The following CACNA2D1 variants were observed in gnomAD, a reference collection of about 807,000 sequenced individuals.
CACNA2D1 encodes the protein calcium voltage-gated channel auxiliary subunit alpha2delta 1.
In CACNA2D1, 53 loss-of-function variants were observed where a neutral mutation model predicts 171.5. The ratio of observed to expected loss-of-function variants is 0.31; its 90% CI spans 0.25 to 0.39. The LOEUF (loss-of-function observed/expected upper bound fraction) is 0.39. Ranked by LOEUF, CACNA2D1 falls within the 10% of genes least tolerant of loss-of-function variation. CACNA2D1 has a pLI of 1.00. For synonymous variants in CACNA2D1, 442 were observed against 443.1 expected (o/e 1.00, Z 0.03); for missense variants, 903 against 1,299.8 (o/e 0.69, Z 4.69).
At chr7:82,413,358 G>T (rs549436309) in intron 1 of CACNA2D1, among the ~76,000 whole-genome samples, 1 of 152,222 alleles carries the variant, frequency 6.6e-6, no homozygotes, top group East Asian at 1.9e-4. Context: ...GAATTGTTGT[G>T]TCTGCATTTT....
chr7:82,381,580 C>G (rs976949910), intron 1 of CACNA2D1, among the ~76,000 whole-genome samples: 17 of 152,142 alleles, frequency 1.1e-4, no homozygotes, highest in African/African-American at 3.9e-4. Context: ...TTTACCCTTA[C>G]CTCTTATGGG....
rs536988430 is a variant in CACNA2D1 at position 82,422,356 on chromosome 7, T to C, written c.95+21009A>G. Among the ~76,000 whole-genome samples the C allele has an allele frequency of 2.1e-4, 32 of 152,260 alleles. 1 individual carries two copies. In the South Asian group the frequency reaches 5.4e-3, roughly 26 times the overall value. ...CTCCATGATGTTATTTATAAGGAAA[T>C]TTATCAATAACGTATTTGTTGTGAG... On this transcript the variant is annotated intron_variant, in intron 1 of 38. Transcript: ENST00000356860.
chr7:82,359,478 A>G (rs1820842980), intron 1 of CACNA2D1, among the ~76,000 whole-genome samples: 1 of 152,150 alleles, frequency 6.6e-6, no homozygotes, highest in African/African-American at 2.4e-5. Flanking sequence ...TTCCCCATAT[A>G]GATCAGTATC....
At chr7:82,090,800 T>C (rs1811063857) in intron 6 of CACNA2D1, among the ~76,000 whole-genome samples, 1 of 152,154 alleles carries the variant, frequency 6.6e-6, no homozygotes, top group African/African-American at 2.4e-5. Flanking sequence ...TCATAGAATA[T>C]TAGAAACTTT....
intron 3 of CACNA2D1, among the ~76,000 whole-genome samples, chr7:82,205,614 C>T (rs779240893): frequency 1.7e-4 from 26 of 152,250 alleles, no homozygotes; most frequent in South Asian, 8.3e-4. Context: ...AAAATGGTTA[C>T]AATCCAAATA....
intron 3 of CACNA2D1, among the ~76,000 whole-genome samples, chr7:82,300,032 C>G (rs758102719): frequency 1.5e-4 from 23 of 152,076 alleles, no homozygotes; most frequent in Admixed American, 1.5e-3. Context: ...CATGACCGAT[C>G]TGTGATCATT....
intron 38 of CACNA2D1, among the ~76,000 whole-genome samples, chr7:81,954,626 A>AATTTAGAAGTACATGTTTC (rs1268192757): frequency 2.6e-5 from 4 of 152,150 alleles, no homozygotes; most frequent in Admixed American, 2.6e-4. Context: ...TAATTTATTA[A>AATTTAGAAGTACATGTTTC]ATTTAGAAGT....
At chr7:82,108,809 C>T (rs1788048155) in intron 6 of CACNA2D1, among the ~76,000 whole-genome samples, 1 of 152,112 alleles carries the variant, frequency 6.6e-6, no homozygotes, top group Non-Finnish European at 1.5e-5. Flanking sequence ...TTGTGCCAAA[C>T]TTATTAATTA....
intron 3 of CACNA2D1, among the ~76,000 whole-genome samples, chr7:82,284,675 A>G (rs2129382327): frequency 6.6e-6 from 1 of 152,248 alleles, no homozygotes; most frequent in African/African-American, 2.4e-5. Context: ...GCCCTTCTGT[A>G]CAGCGCTAAT....
At chr7:82,331,264 A>G (rs184223380) in intron 3 of CACNA2D1, among the ~76,000 whole-genome samples, 179 of 152,188 alleles carry the variant, frequency 1.2e-3, no homozygotes, top group African/African-American at 3.9e-3. Flanking sequence ...TTTATCATCT[A>G]CCTTAGATTT....
chr7:82,068,353 A>T (rs1807909852), intron 7 of CACNA2D1, among the ~76,000 whole-genome samples: 1 of 152,114 alleles, frequency 6.6e-6, no homozygotes, highest in African/African-American at 2.4e-5. Flanking sequence ...GTGGCATAAC[A>T]GTGACTTCTC....
intron 3 of CACNA2D1, among the ~76,000 whole-genome samples, chr7:82,210,170 T>A (rs2129223514): frequency 6.6e-6 from 1 of 152,288 alleles, no homozygotes; most frequent in South Asian, 2.1e-4. Flanking sequence ...TTGAGGGTAA[T>A]TAATAATAAG....
chr7:82,416,048 C>T (rs1357439894), intron 1 of CACNA2D1, among the ~76,000 whole-genome samples: 1 of 151,874 alleles, frequency 6.6e-6, no homozygotes, highest in East Asian at 1.9e-4. Context: ...AACCTCATCT[C>T]TACTAAAAAT....
intron 3 of CACNA2D1, among the ~76,000 whole-genome samples, chr7:82,288,557 T>C (rs572180771): frequency 3.0e-4 from 46 of 152,272 alleles, no homozygotes; most frequent in African/African-American, 9.9e-4. Context: ...AAAATATTTG[T>C]ATCTCACAAG....
intron 10 of CACNA2D1, among the ~76,000 whole-genome samples, 166 bp downstream of exon 10, chr7:82,060,234 TAATATGTATAAAAAACCTTAAAAAAAGA>T (rs1806674154): frequency 1.5e-5 from 1 of 65,526 alleles, no homozygotes; most frequent in Non-Finnish European, 2.9e-5. Context: ...TATATATATA[TAATATGTATAAAAAACCTTAAAAAAAGA>T]ATTATAAGAA....
intron 1 of CACNA2D1, among the ~76,000 whole-genome samples, chr7:82,392,233 A>T (rs749516304): frequency 3.3e-5 from 5 of 152,002 alleles, no homozygotes; most frequent in Non-Finnish European, 7.4e-5. Context: ...AGCCTCTTGC[A>T]TACTCACAAA....
chr7:82,079,618 G>C (rs528879087), intron 7 of CACNA2D1, among the ~76,000 whole-genome samples: 6 of 151,808 alleles, frequency 4.0e-5, no homozygotes, highest in Non-Finnish European at 7.4e-5. Flanking sequence ...CTCGAACCCA[G>C]GGGGCAGAGG....
intron 10 of CACNA2D1, among the ~76,000 whole-genome samples, chr7:82,057,442 T>G (rs79062813): frequency 0.018 from 2,736 of 152,162 alleles, 87 homozygotes; most frequent in African/African-American, 0.061. Context: ...CAAGTGTGTA[T>G]GTGTTGGGGG....
At chr7:82,178,582 G>GA (rs1796797377) in intron 3 of CACNA2D1, among the ~76,000 whole-genome samples, 1 of 152,032 alleles carries the variant, frequency 6.6e-6, no homozygotes, top group Non-Finnish European at 1.5e-5. Flanking sequence ...TGTCATTCCT[G>GA]AAAATCTACG....
Sources: allele counts gnomAD v4.1 joint callset (sites outside exome capture counted in the v4.1 genomes callset), GRCh38; gene constraint gnomAD v4.1.1; transcripts MANE v1.5; gene names NCBI Gene and HGNC (gene_info 2026-07-23, HGNC 2026-07-21).